Variants in TLE2 observed in about 807,000 individuals in gnomAD.
TLE2 encodes transducin-like enhancer protein 2.
In TLE2, 74 loss-of-function variants were observed where a neutral mutation model predicts 97.2. The ratio of observed to expected loss-of-function variants is 0.76; its 90% confidence interval spans 0.63 to 0.92. The LOEUF is 0.92. Ranked by LOEUF, TLE2 falls within the 40% of genes least tolerant of loss-of-function variation. TLE2 has a pLI of 0.00. For synonymous variants in TLE2, 499 were observed against 432.1 expected (o/e 1.15, Z -1.92); for missense variants, 1,038 against 1,008.7 (o/e 1.03, Z -0.39).
At chr19:3,037,936 A>G (rs2090073897) in intron 1 of TLE2, among the ~76,000 whole-genome samples, 2 of 152,096 alleles carry the variant, frequency 1.3e-5, no homozygotes, top group African/African-American at 4.8e-5. Flanking sequence ...AGCCTGGTCA[A>G]CGTGGGGAAA....
chr19:3,005,696 A>G (rs1311634269), intron 16 of TLE2, 25 bp downstream of exon 16: 1 of 1,608,836 alleles, frequency 6.2e-7, no homozygotes, highest in South Asian at 1.1e-5. Flanking sequence ...GGCTTGCCCA[A>G]GGTCCCAGCG....
At chr19:3,031,299 T>A (rs1251099385), upstream of TLE2, among the ~76,000 whole-genome samples, 1 of 150,766 alleles carries the variant, frequency 6.6e-6, no homozygotes, top group African/African-American at 2.4e-5. Context: ...TGGGCAGCTC[T>A]GGGAAGGGAG....
chr19:3,043,303 C>T (rs1324787308), intron 1 of TLE2, among the ~76,000 whole-genome samples: 1 of 151,986 alleles, frequency 6.6e-6, no homozygotes, highest in African/African-American at 2.4e-5. Flanking sequence ...ATCTTCCAGC[C>T]TCGGCCTGCC....
chr19:3,028,601 C>G (rs2089986290), intron 2 of TLE2, 105 bp downstream of exon 2: 1 of 1,358,522 alleles, frequency 7.4e-7, no homozygotes, highest in African/African-American at 1.4e-5. Context: ...TTGTCGCGCC[C>G]CCCCTCCAAC....
At chr19:2,998,077 T>G (rs892883582) in intron 19 of TLE2, 122 bp from the exon 20 acceptor site, 1 of 661,038 alleles carries the variant, frequency 1.5e-6, no homozygotes, top group Admixed American at 2.4e-5. Context: ...GAGTGACGTG[T>G]TTCTTTTTTT....
chr19:3,023,533 A>G, intron 5 of TLE2, among the ~76,000 whole-genome samples: 1 of 152,164 alleles, frequency 6.6e-6, no homozygotes, highest in East Asian at 1.9e-4. Context: ...GGATCCTCCC[A>G]GTGTATCCAC....
At position 3,014,629 on chromosome 19, in the gene TLE2, G is replaced by A. The variant is rs1436098969; in HGVS notation, c.679-15C>T. 1 of 1,589,224 alleles carries A rather than the reference G, an allele frequency of 6.3e-7. No individual in the cohort carries two copies. ...TCGTCGCTTTCCTGGGGGAAGATGG[G>A]GGAGAGAGCTCATTGTGGTCATGCC... On this transcript the variant is annotated splice_polypyrimidine_tract_variant and intron_variant, in intron 9 of 19. Coordinates refer to ENST00000262953, the MANE Select transcript of TLE2 (RefSeq NM_003260.5).
At chr19:3,000,131 G>C (rs992577434) in intron 19 of TLE2, among the ~76,000 whole-genome samples, 6 of 150,752 alleles carry the variant, frequency 4.0e-5, no homozygotes, top group Non-Finnish European at 8.9e-5. Flanking sequence ...GAGTGCAGTG[G>C]TGCGATCTCA....
Position 3,022,456 on chromosome 19 carries a change from G to A in TLE2, c.294+2564C>T, listed in dbSNP as rs1258266899. Reference sequence around the variant, plus strand: ...AGGTGGAAGAATCGCTTGAACCCAGGAGGCAGAGATTGCAGTGAGCTGAGA... The same window carrying A: ...AGGTGGAAGAATCGCTTGAACCCAGAAGGCAGAGATTGCAGTGAGCTGAGA... On this transcript the variant is annotated intron_variant, in intron 5 of 19. Transcript: ENST00000262953. Among the ~76,000 whole-genome samples, 3 of 151,288 alleles carry A rather than the reference G, an allele frequency of 2.0e-5. No homozygotes were observed. The East Asian group carries it at 5.9e-4, about 30-fold the overall frequency.
At position 3,006,591 on chromosome 19, in the gene TLE2, G is replaced by A; in HGVS notation, c.1329C>T (p.Gly443=). 1 of 1,607,248 alleles carries A rather than the reference G, an allele frequency of 6.2e-7. No individual in the cohort carries two copies. Among genetic ancestry groups the A allele is most frequent in the Non-Finnish European group, 8.5e-7 (1 of 1,177,654 alleles). The change falls in exon 15 of 20, where the codon GGC becomes GGT. Residue 443 remains glycine (G), a synonymous_variant. Transcript: ENST00000262953. ...PFPSDALVGA[G]IPRHARQLHT... ...GCAGCTGCCGGGCGTGCCGCGGGAT[G>A]CCCGCGCCTACCAGTGCATCCGAGG...
upstream of TLE2, among the ~76,000 whole-genome samples, chr19:3,047,311 C>T (rs1304716732): frequency 2.7e-5 from 4 of 146,406 alleles, no homozygotes; most frequent in African/African-American, 1.0e-4. Flanking sequence ...CCCGCGCCTC[C>T]GCCCGCCCGC....
chr19:3,009,025 C>T, intron 13 of TLE2, 80 bp from the exon 14 acceptor site: 2 of 1,180,286 alleles, frequency 1.7e-6, no homozygotes, highest in Non-Finnish European at 2.4e-6. Flanking sequence ...ACCTGCCATA[C>T]CCCTCTCTGT....
chr19:3,041,013 A>ATATAT (rs1555695656), intron 1 of TLE2, among the ~76,000 whole-genome samples: 2 of 28,976 alleles, frequency 6.9e-5, no homozygotes, highest in Non-Finnish European at 1.1e-4. Flanking sequence ...ATATATATAT[A>ATATAT]TTTTTTTTTT....
At chr19:3,010,549 G>C (rs1382450815) in intron 12 of TLE2, among the ~76,000 whole-genome samples, 1 of 151,936 alleles carries the variant, frequency 6.6e-6, no homozygotes, top group Admixed American at 6.6e-5. Flanking sequence ...TTGCCACCTG[G>C]GAGTTCCTTG....
intron 14 of TLE2, 51 bp from the exon 15 acceptor site, chr19:3,006,720 C>T: frequency 6.6e-7 from 1 of 1,505,446 alleles, no homozygotes; most frequent in Non-Finnish European, 9.0e-7. Flanking sequence ...CGCCCCCGCA[C>T]CCGCACCTGG....
intron 1 of TLE2, among the ~76,000 whole-genome samples, chr19:3,041,091 A>G (rs1421120706): frequency 8.2e-6 from 1 of 122,214 alleles, no homozygotes; most frequent in Non-Finnish European, 1.6e-5. Context: ...CAGTGGCGAG[A>G]TCTCGGCTTA....
Position 3,009,542 on chromosome 19 carries a change from C to A in TLE2, c.1173G>T (p.Val391=). 1 of 1,604,724 alleles carries A rather than the reference C, an allele frequency of 6.2e-7. No homozygotes were observed. Among genetic ancestry groups the A allele is most frequent in the Non-Finnish European group, 8.5e-7 (1 of 1,175,764 alleles). ...CCTGCGCCCCCACCCAAGGACTCAC[C>A]ACGGGGGAGCGTCCGTACACCACAG... is the stretch of plus-strand genomic sequence containing the variant. ...SSSVVYGRSP[V]MAFESHPHLR... Residue 391 remains valine, a splice_region_variant and synonymous_variant, in exon 13 of 20, where the codon GTG becomes GTT. Transcript: ENST00000262953.
At chr19:3,046,094 G>A (rs892481853), upstream of TLE2, among the ~76,000 whole-genome samples, 1 of 152,176 alleles carries the variant, frequency 6.6e-6, no homozygotes, top group Non-Finnish European at 1.5e-5. Context: ...CCCCTAGGGG[G>A]GCAAAGAGGT....
intron 8 of TLE2, among the ~76,000 whole-genome samples, chr19:3,017,172 C>G (rs766403247): frequency 1.4e-4 from 22 of 152,102 alleles, no homozygotes; most frequent in Admixed American, 6.6e-4. Flanking sequence ...GAGTCTCATA[C>G]TGTCGCACAG....
Sources: allele counts gnomAD v4.1 joint callset (sites outside exome capture counted in the v4.1 genomes callset), GRCh38; gene constraint gnomAD v4.1.1; transcripts MANE v1.5; gene names NCBI Gene and HGNC (gene_info 2026-07-23, HGNC 2026-07-21).